The following SLC7A14 variants were observed in gnomAD, a reference collection of about 807,000 sequenced individuals.
The protein encoded by SLC7A14 is gamma-aminobutyric acid transporter SLC7A14.
A neutral mutation model predicts 60.2 loss-of-function variants in SLC7A14; 37 were observed. The observed-to-expected ratio is 0.61, with a 90% CI of 0.47 to 0.81. SLC7A14 has a LOEUF of 0.81. Among genes scored for constraint, SLC7A14 ranks in the 30% least tolerant of loss-of-function variants. SLC7A14 has a pLI of 0.00. For missense variants in SLC7A14, 886 were observed against 982.7 expected (o/e 0.90, Z 1.32); for synonymous variants, 399 against 395.8 (o/e 1.01, Z -0.10).
chr3:170,528,061 A>C (rs1713563728), intron 1 of SLC7A14, among the ~76,000 whole-genome samples: 1 of 152,208 alleles, frequency 6.6e-6, no homozygotes, highest in Admixed American at 6.5e-5. Flanking sequence ...GCACCCTGGA[A>C]CAGCCTGCCA....
chr3:170,575,343 C>G (rs149097269), intron 1 of SLC7A14, among the ~76,000 whole-genome samples: 41 of 152,264 alleles, frequency 2.7e-4, no homozygotes, highest in Middle Eastern at 3.4e-3. Context: ...GGCTGTGACT[C>G]CATAATCTCT....
chr3:170,574,293 T>G (rs4955733), intron 1 of SLC7A14, among the ~76,000 whole-genome samples: 18,286 of 152,266 alleles, frequency 0.12, 1,371 homozygotes, highest in East Asian at 0.2. Flanking sequence ...TCTACAGTAA[T>G]GAAATGCATC....
At chr3:170,530,434 G>A (rs926204600) in intron 1 of SLC7A14, among the ~76,000 whole-genome samples, 1 of 152,140 alleles carries the variant, frequency 6.6e-6, no homozygotes, top group Non-Finnish European at 1.5e-5. Flanking sequence ...CCGGGAGAAG[G>A]GCAGTCACTT....
intron 1 of SLC7A14, among the ~76,000 whole-genome samples, chr3:170,540,622 T>C (rs1187050375): frequency 6.6e-6 from 1 of 152,156 alleles, no homozygotes; most frequent in African/African-American, 2.4e-5. Flanking sequence ...TCAGGGTACA[T>C]TTTGGATCCA....
chr3:170,498,956 C>T, intron 3 of SLC7A14, 72 bp from the exon 4 acceptor site: 1 of 1,436,426 alleles, frequency 7.0e-7, no homozygotes, highest in Non-Finnish European at 9.7e-7. Context: ...GGTCCTACCC[C>T]ACTGCATCCG....
intron 1 of SLC7A14, among the ~76,000 whole-genome samples, chr3:170,527,841 T>C (rs1713558228): frequency 6.6e-6 from 1 of 152,212 alleles, no homozygotes; most frequent in African/African-American, 2.4e-5. Flanking sequence ...TCTGAGCCTG[T>C]CAACTCACTC....
chr3:170,510,399 AAT>A (rs1491081690), intron 2 of SLC7A14, among the ~76,000 whole-genome samples: 3,328 of 139,784 alleles, frequency 0.024, 133 homozygotes, highest in African/African-American at 0.069. Flanking sequence ...AAAAAAAAAA[AAT>A]AAATAAATAA....
At position 170,482,155 on chromosome 3, in the gene SLC7A14, C is replaced by T. The variant is rs190071694; in HGVS notation, c.1116-989G>A. 6.6e-5 allele frequency among the ~76,000 whole-genome samples: 10 copies of T among 152,292 alleles called. No homozygotes were observed. In the East Asian group the frequency reaches 9.6e-4, roughly 15 times the overall value. On this transcript the variant is annotated intron_variant, in intron 6 of 7. Coordinates refer to ENST00000231706, the MANE Select transcript of SLC7A14 (RefSeq NM_020949.3). ...TGACTGAAGAAGAGACCAAGAAGAG[C>T]GACTGAATGGCATGTGCAATAGGCT...
intron 4 of SLC7A14, among the ~76,000 whole-genome samples, chr3:170,494,758 G>T (rs1712327872): frequency 6.6e-6 from 1 of 152,236 alleles, no homozygotes; most frequent in Non-Finnish European, 1.5e-5. Flanking sequence ...GCCTGGGTCA[G>T]TTGAACTATT....
In SLC7A14 at chr3:170,466,979, AG is replaced by A. The variant is rs1739733967; in HGVS notation, c.*75del. 2 of 1,324,484 alleles carry A rather than the reference AG, an allele frequency of 1.5e-6. No individual in the cohort carries two copies. The allele number at this position is 1,324,484 out of a possible 1,614,324, so 82.0% of individuals were successfully genotyped here. A position where few individuals can be genotyped will look rare whatever the true frequency, so the allele number is the denominator to read the frequency against. On this transcript the variant is annotated 3_prime_UTR_variant, in exon 8 of 8. Coordinates refer to ENST00000231706, the MANE Select transcript of SLC7A14 (RefSeq NM_020949.3). ...GGATTTGTGAAATGAGAGCCAAAAA[AG>A]TTTTCACCTTCTAGCCCACAGGTTA... is the stretch of plus-strand genomic sequence containing the variant.
At chr3:170,485,641 C>G (rs535042692) in intron 5 of SLC7A14, among the ~76,000 whole-genome samples, 11 of 152,120 alleles carry the variant, frequency 7.2e-5, no homozygotes, top group African/African-American at 2.2e-4. Context: ...AGGCTGAAGT[C>G]TTTATCCTGA....
In SLC7A14 at chr3:170,482,318, G is replaced by A. The variant is rs565535721; in HGVS notation, c.1115+996C>T. Among the ~76,000 whole-genome samples the A allele has an allele frequency of 5.9e-5, 9 of 152,250 alleles. No individual in the cohort carries two copies. The South Asian group carries it at 1.9e-3, about 32-fold the overall frequency. On this transcript the variant is annotated intron_variant, in intron 6 of 7. Transcript: ENST00000231706. ...TCTTTTGGATGTGTGAAGTTCCCAC[G>A]CCTCCATCACCCTAGGCCCCTCTTG...
At chr3:170,508,601 C>T (rs1560263263) in intron 2 of SLC7A14, among the ~76,000 whole-genome samples, 1 of 152,210 alleles carries the variant, frequency 6.6e-6, no homozygotes, top group Non-Finnish European at 1.5e-5. Context: ...CGTTGGGTTA[C>T]GCTGGTGAAA....
chr3:170,481,814 G>A (rs528826906), intron 6 of SLC7A14, among the ~76,000 whole-genome samples: 1 of 152,296 alleles, frequency 6.6e-6, no homozygotes, highest in East Asian at 1.9e-4. Flanking sequence ...TGAAGCCCAG[G>A]CTCTGCGTGA....
chr3:170,477,290 G>C (rs1711650498), intron 7 of SLC7A14, among the ~76,000 whole-genome samples: 1 of 152,144 alleles, frequency 6.6e-6, no homozygotes, highest in African/African-American at 2.4e-5. Flanking sequence ...TGGAGAGAGG[G>C]AGAAGTGGGA....
At chr3:170,537,179 C>G (rs1713874095) in intron 1 of SLC7A14, among the ~76,000 whole-genome samples, 1 of 152,190 alleles carries the variant, frequency 6.6e-6, no homozygotes, top group African/African-American at 2.4e-5. Flanking sequence ...GTCTGCAGGG[C>G]TGTGTACCTT....
At position 170,467,386 on chromosome 3, in the gene SLC7A14, C is replaced by G. The variant is rs202177062; in HGVS notation, c.1994-9G>C. The stretch of plus-strand genomic sequence containing the variant: ...AAAATAAATGAGCAGACCTGTGGGG[C>G]GAGGGGAAAGGTACAGGTGAATAAG... On this transcript the variant is annotated splice_polypyrimidine_tract_variant and intron_variant, in intron 7 of 7. Transcript: ENST00000231706. 3 of 1,515,062 alleles carry G rather than the reference C, an allele frequency of 2.0e-6. No individual in the cohort carries two copies. Among genetic ancestry groups the G allele is most frequent in the Admixed American group, 3.8e-5 (2 of 52,028 alleles). 93.9% of individuals were successfully genotyped at this position (1,515,062 alleles called of 1,614,324 possible).
chr3:170,515,838 C>T (rs1713139699), intron 2 of SLC7A14, among the ~76,000 whole-genome samples: 1 of 152,190 alleles, frequency 6.6e-6, no homozygotes, highest in South Asian at 2.1e-4. Context: ...GTCCCGACTT[C>T]TGACGCAGGC....
chr3:170,540,728 A>G (rs983660847), intron 1 of SLC7A14, among the ~76,000 whole-genome samples: 2 of 152,204 alleles, frequency 1.3e-5, no homozygotes, highest in African/African-American at 4.8e-5. Context: ...TTTCAATGCT[A>G]ACAGCCCTTG....
Sources: gnomAD v4.1 joint callset for allele counts (sites outside exome capture counted in the v4.1 genomes callset) on GRCh38, gnomAD v4.1.1 for gene constraint, MANE v1.5 for transcripts, NCBI Gene and HGNC (gene_info 2026-07-23, HGNC 2026-07-21) for gene names.